The following SRGAP1 variants were observed in gnomAD, a reference collection of about 807,000 sequenced individuals.
SRGAP1 encodes the protein SLIT-ROBO Rho GTPase-activating protein 1.
Under a neutral mutation model 121.9 loss-of-function variants are expected in SRGAP1, and 43 were observed. The ratio of observed to expected loss-of-function variants is 0.35; its 90% CI spans 0.28 to 0.46. The LOEUF is 0.46. Ranked by LOEUF, SRGAP1 falls within the 20% of genes least tolerant of loss-of-function variation. The pLI, the probability that SRGAP1 is intolerant of heterozygous loss-of-function variation, is 1.00. For missense variants in SRGAP1, 1,102 were observed against 1,350.9 expected (o/e 0.82, Z 2.89); for synonymous variants, 447 against 485.4 (o/e 0.92, Z 1.04).
rs1593023702 is a variant in SRGAP1, at chr12:64,000,829, C to T, written c.426+10757C>T. The stretch of plus-strand genomic sequence containing the variant: ...GATGCGGGATTCTCTATTCCTGTTT[C>T]TTTGTGAAGTTAGAAGTGATAACAT... On this transcript the variant is annotated intron_variant, in intron 3 of 21. Transcript: ENST00000355086. 3.9e-5 allele frequency among the ~76,000 whole-genome samples: 6 copies of T among 152,182 alleles called. 1 individual carries two copies. The South Asian group carries it at 1.2e-3, about 32-fold the overall frequency.
intron 1 of SRGAP1, among the ~76,000 whole-genome samples, chr12:63,871,408 G>A (rs1899849660): frequency 6.6e-6 from 1 of 152,160 alleles, no homozygotes; most frequent in Admixed American, 6.5e-5. Flanking sequence ...GAGGATTAAT[G>A]GTTCAATTTC....
chr12:64,115,398 C>A (rs2036501686), intron 17 of SRGAP1, among the ~76,000 whole-genome samples: 1 of 152,176 alleles, frequency 6.6e-6, no homozygotes, highest in Non-Finnish European at 1.5e-5. Context: ...CCATTGACAA[C>A]TATCCAATTA....
At chr12:64,054,860 T>C (rs1333914447) in intron 6 of SRGAP1, among the ~76,000 whole-genome samples, 3 of 150,478 alleles carry the variant, frequency 2.0e-5, no homozygotes, top group Non-Finnish European at 4.4e-5. Context: ...TAGCATTAGG[T>C]ATATCTCCCA....
intron 1 of SRGAP1, among the ~76,000 whole-genome samples, chr12:63,913,462 TATATATATATATATGG>T (rs1007380913): frequency 5.5e-5 from 6 of 109,602 alleles, no homozygotes; most frequent in Admixed American, 2.0e-4. Context: ...CACATATATA[TATATATATATATATGG>T]ATATATATAT....
intron 1 of SRGAP1, among the ~76,000 whole-genome samples, chr12:63,855,048 G>A (rs189738391): frequency 6.6e-6 from 1 of 152,282 alleles, no homozygotes; most frequent in East Asian, 1.9e-4. Flanking sequence ...CCCAAACAGT[G>A]ACTTTAAACT....
chr12:64,000,277 A>AGTGTGTGTGTGTGT (rs747929850), intron 3 of SRGAP1, among the ~76,000 whole-genome samples: 3 of 83,414 alleles, frequency 3.6e-5, no homozygotes, highest in African/African-American at 1.5e-4. Context: ...TGTGTGTGTA[A>AGTGTGTGTGTGTGT]AAAAAAAAAA....
rs138213233 is a variant in SRGAP1 at position 63,998,604 on chromosome 12, A to G, written c.426+8532A>G. 5.6e-3 allele frequency among the ~76,000 whole-genome samples: 845 copies of G among 152,190 alleles called. 6 individuals are homozygous for G. The highest frequency in any genetic ancestry group is 0.019 in the African/African-American group (796 of 41,528). On this transcript the variant is annotated intron_variant, in intron 3 of 21. Transcript: ENST00000355086. ...CACAGATTCCCACCTAACTCTCCCA[A>G]CTGAAAATTGCTCTCAGGATTATTT...
intron 18 of SRGAP1, among the ~76,000 whole-genome samples, chr12:64,116,586 C>G (rs1409970332): frequency 1.3e-5 from 2 of 152,084 alleles, no homozygotes; most frequent in African/African-American, 4.8e-5. Flanking sequence ...GCAGTTTGAA[C>G]TGTTTATTTT....
chr12:63,951,673 T>A (rs867004713), intron 1 of SRGAP1, among the ~76,000 whole-genome samples: 9 of 152,218 alleles, frequency 5.9e-5, no homozygotes, highest in African/African-American at 2.2e-4. Flanking sequence ...TCTTCCACCA[T>A]GGCTCTTTAT....
intron 15 of SRGAP1, among the ~76,000 whole-genome samples, chr12:64,108,537 T>C (rs1278356048): frequency 6.6e-6 from 1 of 152,186 alleles, no homozygotes; most frequent in African/African-American, 2.4e-5. Context: ...TATAGACAAA[T>C]ATATGATGAA....
intron 4 of SRGAP1, among the ~76,000 whole-genome samples, chr12:64,025,760 G>A (rs1024646639): frequency 1.3e-5 from 2 of 152,172 alleles, no homozygotes; most frequent in Admixed American, 6.5e-5. Context: ...GAAAGAAAGA[G>A]GGACTGGGGT....
At chr12:63,998,146 C>G (rs961333459) in intron 3 of SRGAP1, among the ~76,000 whole-genome samples, 2 of 152,150 alleles carry the variant, frequency 1.3e-5, no homozygotes, top group African/African-American at 4.8e-5. Flanking sequence ...CCCCTCAATT[C>G]CAGTGTAAGT....
chr12:64,139,184 G>A (rs577938346), intron 21 of SRGAP1, among the ~76,000 whole-genome samples: 1 of 152,220 alleles, frequency 6.6e-6, no homozygotes, highest in East Asian at 1.9e-4. Context: ...CAATAATGCA[G>A]CCTTGTTATT....
chr12:64,118,364 G>A (rs1022480155), intron 18 of SRGAP1, among the ~76,000 whole-genome samples: 6 of 152,086 alleles, frequency 3.9e-5, no homozygotes, highest in Middle Eastern at 3.4e-3. Context: ...GGACTTCCCC[G>A]GCTCCAGTGA....
At chr12:63,879,024 T>C (rs1900111799) in intron 1 of SRGAP1, 1 of 152,202 alleles carries the variant, frequency 6.6e-6, no homozygotes, top group Non-Finnish European at 1.5e-5. Context: ...TTTCTTTTTT[T>C]TGAGACAGGG....
At chr12:64,044,674 C>CTTT (rs558248193) in intron 6 of SRGAP1, among the ~76,000 whole-genome samples, 21 of 72,122 alleles carry the variant, frequency 2.9e-4, no homozygotes, top group East Asian at 3.5e-4. Flanking sequence ...TGATGTGCCT[C>CTTT]TTTTTTTTTT....
intron 14 of SRGAP1, 26 bp from the exon 15 acceptor site, chr12:64,097,210 TTAATG>T (rs2036171800): frequency 6.4e-7 from 1 of 1,566,082 alleles, no homozygotes; most frequent in African/African-American, 1.4e-5. Flanking sequence ...AGAAGCACTG[TTAATG>T]TAATGAGTTT....
intron 1 of SRGAP1, among the ~76,000 whole-genome samples, chr12:63,861,247 A>G (rs1002847968): frequency 4.7e-5 from 7 of 150,292 alleles, no homozygotes; most frequent in Admixed American, 4.6e-4. Context: ...TCCTGAGCTC[A>G]AGCAATCTGC....
intron 8 of SRGAP1, among the ~76,000 whole-genome samples, chr12:64,073,592 C>T (rs2035680848): frequency 6.6e-6 from 1 of 152,144 alleles, no homozygotes; most frequent in African/African-American, 2.4e-5. Flanking sequence ...ACACATTTTC[C>T]TATACTTTAA....
Sources: allele counts gnomAD v4.1 joint callset (sites outside exome capture counted in the v4.1 genomes callset), GRCh38; gene constraint gnomAD v4.1.1; transcripts MANE v1.5; gene names NCBI Gene and HGNC (gene_info 2026-07-23, HGNC 2026-07-21).